ACTA2: variants seen among roughly 807,000 people sequenced by gnomAD.
ACTA2 encodes actin, aortic smooth muscle.
ACTA2 carries 12 observed loss-of-function variants against 39.5 expected under a neutral mutation model. The ratio of observed to expected loss-of-function variants is 0.30; its 90% CI spans 0.19 to 0.49. The LOEUF is 0.49. Among genes scored for constraint, ACTA2 ranks in the 20% least tolerant of loss-of-function variants. The pLI is 0.99. For synonymous variants in ACTA2, 158 were observed against 180.6 expected (o/e 0.88, Z 1.00); for missense variants, 236 against 498.8 (o/e 0.47, Z 5.02).
intron 1 of ACTA2, chr10:88,973,281 T>C (rs1237348021): frequency 1.9e-6 from 3 of 1,612,312 alleles, no homozygotes. Flanking sequence ...CTTGGGGATC[T>C]CTAGGTCATC....
intron 8 of ACTA2, among the ~76,000 whole-genome samples, chr10:88,935,779 A>G (rs1845726424): frequency 6.6e-6 from 1 of 152,226 alleles, no homozygotes; most frequent in Non-Finnish European, 1.5e-5. Context: ...TAATTGTGCT[A>G]GGACTTAGTA....
intron 1 of ACTA2, chr10:88,989,381 G>C: frequency 2.7e-6 from 1 of 367,254 alleles, no homozygotes; most frequent in Non-Finnish European, 5.4e-6. Flanking sequence ...TTTTGGAATA[G>C]TTTTAGGATT....
chr10:88,964,224 G>A (rs1286741734), intron 1 of ACTA2, among the ~76,000 whole-genome samples: 1 of 152,012 alleles, frequency 6.6e-6, no homozygotes, highest in Non-Finnish European at 1.5e-5. Flanking sequence ...TGGAACCCCT[G>A]CAAAAAAAGG....
rs370242090 is a variant in ACTA2, at chr10:88,939,613, G to A, written c.702C>T (p.Ser234=). Residue 234 remains serine, a synonymous_variant, in exon 7 of 9, where the codon TCC becomes TCT. Transcript: ENST00000224784. ...DFENEMATAA[S]SSSLEKSYEL... is the part of the protein sequence containing the mutation. Reference sequence around the variant, plus strand: ...CGTAACTCTTCTCAAGGGAGGATGAGGATGCGGCAGTGGCCATCTCATTTT... The same window carrying A: ...CGTAACTCTTCTCAAGGGAGGATGAAGATGCGGCAGTGGCCATCTCATTTT... 6.2e-7 allele frequency: 1 copy of A among 1,614,122 alleles called. No individual in the cohort carries two copies. Among genetic ancestry groups the A allele is most frequent in the Non-Finnish European group, 8.5e-7 (1 of 1,179,988 alleles).
At chr10:88,953,183 G>A (rs1209013725), upstream of ACTA2, among the ~76,000 whole-genome samples, 1 of 152,206 alleles carries the variant, frequency 6.6e-6, no homozygotes, top group Middle Eastern at 3.2e-3. Context: ...GGCTGCCTCT[G>A]CCTAGCACGG....
chr10:88,988,267 G>A (rs1468461993), intron 1 of ACTA2, among the ~76,000 whole-genome samples: 1 of 152,110 alleles, frequency 6.6e-6, no homozygotes, highest in Non-Finnish European at 1.5e-5. Context: ...AGAAAGGCAG[G>A]ATAAACAGTC....
chr10:88,959,176 A>G lies in ACTA2; in HGVS notation c.-23-10223T>C, dbSNP rs1272099069. Among the ~76,000 whole-genome samples, 4 of 152,162 alleles carry G rather than the reference A, an allele frequency of 2.6e-5. No individual in the cohort carries two copies. The East Asian group carries it at 7.7e-4, about 29-fold the overall frequency. On this transcript the variant is annotated intron_variant, in intron 1 of 4. Transcript: ENST00000415557. ...GCTTTTTAAATTTTATTTAATCTTA[A>G]TTACATTTTAATTTGAATAGCCACA...
chr10:88,974,206 CCTGA>C (rs1846513048), intron 1 of ACTA2: 1 of 151,396 alleles, frequency 6.6e-6, no homozygotes. Flanking sequence ...AGAAATATAC[CCTGA>C]CTAACGTGGG....
chr10:88,948,318 A>G (rs1845989985), intron 2 of ACTA2: 1 of 173,772 alleles, frequency 5.8e-6, no homozygotes, highest in South Asian at 1.2e-4. Flanking sequence ...CTTTGTTTAC[A>G]CATAATGTGT....
At chr10:88,954,708 A>G (rs1453541081), upstream of ACTA2, among the ~76,000 whole-genome samples, 1 of 152,218 alleles carries the variant, frequency 6.6e-6, no homozygotes, top group African/African-American at 2.4e-5. Flanking sequence ...ATAAAGAGAC[A>G]TATTGGAAGA....
At chr10:88,989,292 T>C (rs1379842665) in intron 1 of ACTA2, among the ~76,000 whole-genome samples, 1 of 152,172 alleles carries the variant, frequency 6.6e-6, no homozygotes, top group East Asian at 1.9e-4. Flanking sequence ...CATTCCTTCT[T>C]CCCTTACCTC....
intron 8 of ACTA2, among the ~76,000 whole-genome samples, 181 bp downstream of exon 8, chr10:88,937,880 C>G (rs1033784630): frequency 6.6e-6 from 1 of 152,132 alleles, no homozygotes; most frequent in Non-Finnish European, 1.5e-5. Context: ...TAAAGTAACT[C>G]AATTTTTCTT....
At chr10:88,970,898 T>TAC in intron 1 of ACTA2, among the ~76,000 whole-genome samples, 1 of 145,940 alleles carries the variant, frequency 6.9e-6, no homozygotes, top group African/African-American at 2.7e-5. Context: ...TGTGTGTGTG[T>TAC]ATATATATAA....
intron 1 of ACTA2, among the ~76,000 whole-genome samples, chr10:88,983,630 A>C (rs958333911): frequency 8.8e-5 from 13 of 147,598 alleles, no homozygotes; most frequent in Non-Finnish European, 1.8e-4. Flanking sequence ...AAAAAAAAAA[A>C]AAAAAAAAAC....
chr10:88,974,853 G>A (rs1846527789), intron 1 of ACTA2: 1 of 152,194 alleles, frequency 6.6e-6, no homozygotes, highest in African/African-American at 2.4e-5. Context: ...GATGAGCTGA[G>A]ATCACTATAG....
intron 1 of ACTA2, among the ~76,000 whole-genome samples, chr10:88,981,637 C>A (rs1247820595): frequency 6.6e-6 from 1 of 152,014 alleles, no homozygotes; most frequent in Non-Finnish European, 1.5e-5. Context: ...GTGGGGTGGG[C>A]AGAGTGGGAG....
In ACTA2 at chr10:88,990,241, A is replaced by G. The variant is rs550580064; in HGVS notation, c.-24+698T>C. On this transcript the variant is annotated intron_variant, in intron 1 of 4. Transcript: ENST00000415557. The surrounding 1 kb of genome is among the most constrained non-coding windows in gnomAD (Gnocchi z 4.9). ...GAGCCTCTCATGTTGCAGCCACAAC[A>G]TGGACAGCCCAGTCAAATGCCCCGC... Among the ~76,000 whole-genome samples the G allele has an allele frequency of 6.6e-6, 1 of 152,328 alleles. No individual in the cohort carries two copies. The highest frequency in any genetic ancestry group is 1.5e-5 in the Non-Finnish European group (1 of 68,032).
At chr10:88,961,783 C>T (rs1846230244) in intron 1 of ACTA2, among the ~76,000 whole-genome samples, 1 of 152,114 alleles carries the variant, frequency 6.6e-6, no homozygotes, top group Non-Finnish European at 1.5e-5. Flanking sequence ...TCCCTTTGTC[C>T]TTATTCTCTG....
At chr10:88,962,962 TATATATATATATATAATA>T (rs1846258236) in intron 1 of ACTA2, among the ~76,000 whole-genome samples, 1 of 32,018 alleles carries the variant, frequency 3.1e-5, no homozygotes, top group Non-Finnish European at 5.8e-5. Flanking sequence ...TATATATATA[TATATATATATATATAATA>T]TTTTTTTTTT....
Sources: gnomAD v4.1 joint callset for allele counts (sites outside exome capture counted in the v4.1 genomes callset) on GRCh38, gnomAD v4.1.1 for gene constraint, Gnocchi (gnomAD v3.1) non-coding constraint, MANE v1.5 for transcripts, NCBI Gene and HGNC (gene_info 2026-07-23, HGNC 2026-07-21) for gene names.